The following PTP4A2 variants were observed in gnomAD, a reference collection of about 807,000 sequenced individuals.
PTP4A2 encodes the protein protein tyrosine phosphatase type IVA 2.
Under a neutral mutation model 22.9 loss-of-function variants are expected in PTP4A2, and 2 were observed. The observed-to-expected ratio is 0.09, with a 90% confidence interval of 0.04 to 0.27. PTP4A2 has a LOEUF of 0.27. Among genes scored for constraint, PTP4A2 ranks in the 10% least tolerant of loss-of-function variants. The probability of loss-of-function intolerance (pLI) is 1.00; values close to 1 mark genes in which losing one functional copy is unlikely to be tolerated. For synonymous variants in PTP4A2, 68 were observed against 69.1 expected, an observed-to-expected ratio of 0.98 and a Z score of 0.08; for missense variants, 103 against 205.1, an observed-to-expected ratio of 0.50 and a Z score of 3.04.
At chr1:31,928,837 A>C (rs1357236838) in intron 1 of PTP4A2, among the ~76,000 whole-genome samples, 1 of 152,148 alleles carries the variant, frequency 6.6e-6, no homozygotes, top group Non-Finnish European at 1.5e-5. Flanking sequence ...AGAAATCATG[A>C]CCTTGATGGT....
At position 31,908,595 on chromosome 1, in the gene PTP4A2, A is replaced by T. The variant is rs1651367153; in HGVS notation, c.*257T>A. The T allele has an allele frequency of 3.1e-6, 1 of 319,164 alleles. No individual in the cohort carries two copies. Among genetic ancestry groups the T allele is most frequent in the Non-Finnish European group, 5.7e-6 (1 of 174,838 alleles). 19.8% of individuals were successfully genotyped at this position (319,164 alleles called of 1,614,324 possible). On this transcript the variant is annotated 3_prime_UTR_variant, in exon 6 of 6. Transcript: ENST00000647444. ...AATAATTCAATCCTGGCAGAAATTC[A>T]AACTCCAAAACTAGGAGCAAAATCA... is the stretch of plus-strand genomic sequence containing the variant.
intron 1 of PTP4A2, among the ~76,000 whole-genome samples, chr1:31,921,095 C>T (rs1190435084): frequency 1.3e-5 from 2 of 152,180 alleles, no homozygotes; most frequent in Non-Finnish European, 2.9e-5. Flanking sequence ...CTATATGATA[C>T]TGTAATGTTT....
At chr1:31,930,248 G>A (rs2124258995) in intron 1 of PTP4A2, among the ~76,000 whole-genome samples, 1 of 152,176 alleles carries the variant, frequency 6.6e-6, no homozygotes, top group South Asian at 2.1e-4. Context: ...TGAGGCAGGA[G>A]AATGGCGTGA....
chr1:31,921,890 C>T (rs753667501), intron 1 of PTP4A2: 3 of 152,026 alleles, frequency 2.0e-5, no homozygotes, highest in Non-Finnish European at 4.4e-5. Flanking sequence ...TATATAACCA[C>T]TGACACAAAC....
Position 31,908,165 on chromosome 1 carries a change from TATATATATATATATATATATATATA to T in PTP4A2, c.*662_*686del, listed in dbSNP as rs1651319540. 7.3e-5 allele frequency: 1 copy of T among 13,642 alleles called. No individual in the cohort carries two copies. Among genetic ancestry groups the T allele is most frequent in the Non-Finnish European group, 1.1e-4 (1 of 8,796 alleles). The allele number at this position is 13,642 out of a possible 1,614,324, so 0.8% of individuals were successfully genotyped here. ...TTATATATATATATATATATATATATATATATATATATATATATATATATATATATATATATATATATCACTGCTG... is the reference window on the plus strand; with the variant it reads ...TTATATATATATATATATATATATATTATATATATATATATATCACTGCTG... On this transcript the variant is annotated 3_prime_UTR_variant, in exon 6 of 6. Transcript: ENST00000647444.
intron 1 of PTP4A2, among the ~76,000 whole-genome samples, chr1:31,923,050 G>A (rs970470373): frequency 2.6e-5 from 4 of 151,038 alleles, no homozygotes; most frequent in Non-Finnish European, 5.9e-5. Context: ...TCCTGCCTCA[G>A]CCTCCCAAGT....
chr1:31,921,196 T>C (rs1380555594), intron 1 of PTP4A2, among the ~76,000 whole-genome samples: 1 of 152,096 alleles, frequency 6.6e-6, no homozygotes, highest in African/African-American at 2.4e-5. Context: ...AAGTCTTGAG[T>C]AGTTGTTACA....
chr1:31,931,393 A>G (rs1214038872), intron 1 of PTP4A2, among the ~76,000 whole-genome samples: 1 of 152,200 alleles, frequency 6.6e-6, no homozygotes, highest in Non-Finnish European at 1.5e-5. Flanking sequence ...AGAATTTCAG[A>G]CCAATTCAAA....
chr1:31,920,255 C>A (rs1429363691), intron 1 of PTP4A2, among the ~76,000 whole-genome samples: 1 of 146,788 alleles, frequency 6.8e-6, no homozygotes, highest in African/African-American at 2.5e-5. Context: ...ACCAGCCTGG[C>A]CAACATGGAG....
At chr1:31,922,599 T>TTCCTTCCTTCCTTCC (rs1369678222) in intron 1 of PTP4A2, among the ~76,000 whole-genome samples, 1 of 79,406 alleles carries the variant, frequency 1.3e-5, no homozygotes, top group African/African-American at 9.2e-5. Flanking sequence ...TCTTTCTTTC[T>TTCCTTCCTTCCTTCC]TTCTTTCTTT....
chr1:31,918,652 A>G (rs1651982624), intron 2 of PTP4A2, among the ~76,000 whole-genome samples: 1 of 152,230 alleles, frequency 6.6e-6, no homozygotes, highest in Non-Finnish European at 1.5e-5. Flanking sequence ...TCGTTGCATA[A>G]TGTGTAACAT....
At chr1:31,937,144 G>A (rs973953931) in intron 1 of PTP4A2, among the ~76,000 whole-genome samples, 2 of 152,118 alleles carry the variant, frequency 1.3e-5, no homozygotes, top group Non-Finnish European at 2.9e-5. Context: ...TTAGCTCTCA[G>A]GGGCCCCAGA....
At chr1:31,927,498 A>G (rs1486775304) in intron 1 of PTP4A2, among the ~76,000 whole-genome samples, 2 of 152,200 alleles carry the variant, frequency 1.3e-5, no homozygotes, top group East Asian at 3.8e-4. Flanking sequence ...GCACATGTAC[A>G]CACTGAACCT....
At chr1:31,918,596 C>T (rs994316638) in intron 2 of PTP4A2, among the ~76,000 whole-genome samples, 1 of 152,226 alleles carries the variant, frequency 6.6e-6, no homozygotes, top group Admixed American at 6.5e-5. Flanking sequence ...ATGGTAGCTA[C>T]ACCTCATAGG....
chr1:31,909,012 T>C (rs775361473), intron 5 of PTP4A2, 52 bp from the exon 6 acceptor site: 26 of 1,273,992 alleles, frequency 2.0e-5, no homozygotes, highest in Non-Finnish European at 2.9e-5. Flanking sequence ...AGCTGTCTGA[T>C]TCACTGAAAT....
At chr1:31,935,196 A>G (rs1216767882) in intron 1 of PTP4A2, among the ~76,000 whole-genome samples, 4 of 152,228 alleles carry the variant, frequency 2.6e-5, no homozygotes, top group African/African-American at 7.2e-5. Flanking sequence ...AATAAAAAAC[A>G]TAAGACGCTG....
intron 4 of PTP4A2, 184 bp from the exon 5 acceptor site, chr1:31,910,296 T>G (rs924509626): frequency 2.3e-5 from 12 of 515,670 alleles, no homozygotes; most frequent in Non-Finnish European, 3.5e-5. Flanking sequence ...TTTTTTTTTT[T>G]GGCGGGGCAG....
chr1:31,915,774 A>G, intron 3 of PTP4A2, 121 bp downstream of exon 3: 1 of 650,220 alleles, frequency 1.5e-6, no homozygotes, highest in Non-Finnish European at 2.6e-6. Context: ...TCCTGGGTTC[A>G]AGTGATCTTC....
intron 4 of PTP4A2, chr1:31,910,989 TA>T (rs1651504846): frequency 6.6e-6 from 1 of 152,246 alleles, no homozygotes; most frequent in African/African-American, 2.4e-5. Flanking sequence ...AAAACTAGGA[TA>T]GCTACTAGTT....
Sources: allele counts gnomAD v4.1 joint callset (sites outside exome capture counted in the v4.1 genomes callset), GRCh38; gene constraint gnomAD v4.1.1; transcripts MANE v1.5; gene names NCBI Gene and HGNC (gene_info 2026-07-23, HGNC 2026-07-21).